Variants in NLRC4 observed in about 807,000 individuals in gnomAD.
NLRC4 encodes the protein NLR family CARD domain-containing protein 4.
A neutral mutation model predicts 79.9 loss-of-function variants in NLRC4; 63 were observed. That is an observed-to-expected ratio of 0.79 (90% CI 0.64 to 0.97). The LOEUF (loss-of-function observed/expected upper bound fraction) is 0.97. Ranked by LOEUF, NLRC4 falls within the 50% of genes least tolerant of loss-of-function variation. The pLI is 0.00. For synonymous variants in NLRC4, 461 were observed against 456.5 expected, an observed-to-expected ratio of 1.01 and a Z score of -0.12; for missense variants, 1,074 against 1,215.2, an observed-to-expected ratio of 0.88 and a Z score of 1.73.
chr2:32,238,660 A>T (rs1350765105), intron 5 of NLRC4, among the ~76,000 whole-genome samples: 1 of 90,512 alleles, frequency 1.1e-5, no homozygotes, highest in East Asian at 2.5e-4. Context: ...AAAATCTTAA[A>T]CAGCGGGGGG....
At chr2:32,244,890 G>A (rs1293612408) in intron 4 of NLRC4, among the ~76,000 whole-genome samples, 1 of 151,482 alleles carries the variant, frequency 6.6e-6, no homozygotes, top group Non-Finnish European at 1.5e-5. Context: ...GAGGAAGAAG[G>A]AGGAGGAGGA....
At position 32,250,663 on chromosome 2, in the gene NLRC4, C is replaced by T. The variant is rs750016275; in HGVS notation, c.1201G>A (p.Val401Met). The part of the protein sequence containing the change: ...DHCGDLALEG[V>M]FSHKFDFELQ... ...TCGAAATCAAACTTGTGGGAGAACA[C>T]ACCCTCCAGAGCTAGGTCTCCACAG... is the stretch of plus-strand genomic sequence containing the variant. The change falls in exon 4 of 9, where the codon GTG (valine) becomes ATG (methionine). Residue 401 changes from valine (V) to methionine (M), a missense_variant. Val to Met is a conservative substitution (Grantham distance 21). Coordinates refer to ENST00000402280, the MANE Select transcript of NLRC4 (RefSeq NM_001199138.2). This position sits in a 1 kb window ranked among gnomAD's most constrained non-coding sequence, Gnocchi z 4.9. 9 of 1,614,150 alleles carry T rather than the reference C, an allele frequency of 5.6e-6. No homozygotes were observed. Among genetic ancestry groups the T allele is most frequent in the Non-Finnish European group, 7.6e-6 (9 of 1,180,034 alleles).
At chr2:32,263,192 C>G (rs1425177197) in intron 1 of NLRC4, among the ~76,000 whole-genome samples, 15 of 152,072 alleles carry the variant, frequency 9.9e-5, no homozygotes, top group Non-Finnish European at 1.5e-5. Flanking sequence ...AGACAGGAAG[C>G]ACACAGAAAT....
chr2:32,261,208 A>G (rs1426713819), intron 1 of NLRC4, among the ~76,000 whole-genome samples: 2 of 149,184 alleles, frequency 1.3e-5, no homozygotes, highest in Admixed American at 1.3e-4. Flanking sequence ...AACAACAACA[A>G]CAACACCATG....
chr2:32,246,295 A>C (rs1360045774), intron 4 of NLRC4, among the ~76,000 whole-genome samples: 2 of 152,232 alleles, frequency 1.3e-5, no homozygotes, highest in East Asian at 3.8e-4. Context: ...ACTTTACAGG[A>C]TCAGTATAAA....
chr2:32,226,456 A>G (rs543269879), intron 8 of NLRC4, among the ~76,000 whole-genome samples: 1 of 152,338 alleles, frequency 6.6e-6, no homozygotes, highest in Admixed American at 6.5e-5. Context: ...CGTGGTCAAG[A>G]TGCTAGCGGC....
intron 8 of NLRC4, among the ~76,000 whole-genome samples, chr2:32,226,069 T>C (rs966526339): frequency 6.6e-6 from 1 of 152,158 alleles, no homozygotes; most frequent in Non-Finnish European, 1.5e-5. Flanking sequence ...AAAGATTCGG[T>C]GCTGTACAAC....
intron 5 of NLRC4, among the ~76,000 whole-genome samples, chr2:32,239,037 A>G (rs1471761865): frequency 4.6e-5 from 7 of 152,016 alleles, no homozygotes; most frequent in Non-Finnish European, 7.4e-5. Context: ...TCCCAGCACT[A>G]TGGGAGGCAG....
At position 32,251,163 on chromosome 2, in the gene NLRC4, G is replaced by A. The variant is rs773703186; in HGVS notation, c.701C>T (p.Ala234Val). 3.1e-6 allele frequency: 5 copies of A among 1,614,168 alleles called. No homozygotes were observed. The highest frequency in any genetic ancestry group is 1.7e-5 in the Admixed American group (1 of 60,026). ...CCTCTGCCGCAGCTTCAGCAGCATG[G>A]CCATGAATGTCTGCTTCCTGATTGT... is the stretch of plus-strand genomic sequence containing the variant. ...PGTIRKQTFMAMLLKLRQRVL... is the reference protein window; with the variant it reads ...PGTIRKQTFMVMLLKLRQRVL... The change falls in exon 4 of 9, where the codon GCC (alanine) becomes GTC (valine). Residue 234 changes from alanine to valine, a missense_variant. By Grantham distance (64) the Ala-to-Val change is moderately conservative (BLOSUM62 0). Transcript: ENST00000402280.
intron 4 of NLRC4, among the ~76,000 whole-genome samples, chr2:32,243,021 C>G (rs1558452628): frequency 6.6e-6 from 1 of 151,672 alleles, no homozygotes; most frequent in African/African-American, 2.4e-5. Flanking sequence ...GCACTCCAGC[C>G]TTGGTGACAG....
At chr2:32,238,036 T>A in intron 6 of NLRC4, 96 bp downstream of exon 6, 1 of 873,618 alleles carries the variant, frequency 1.1e-6, no homozygotes, top group African/African-American at 1.7e-5. Context: ...TTCCTTAAAA[T>A]TAAATTTCCA....
chr2:32,224,626 AG>A lies in NLRC4; in HGVS notation c.2921del (p.Thr974IlefsTer10). ...ATGCTGGATCAGGTAGAAATTCTTT[AG>A]TACTAAAGTCAAAAAACACTAATTG... ...LKQLVFFDFS[T>X]KEFLPDPALV... is the part of the protein sequence containing the mutation. On this transcript the variant is annotated frameshift_variant, in exon 9 of 9. Coordinates refer to ENST00000402280, the MANE Select transcript of NLRC4 (RefSeq NM_001199138.2). LOFTEE classifies it high-confidence loss of function. 1 of 1,613,866 alleles carries A rather than the reference AG, an allele frequency of 6.2e-7. No individual in the cohort carries two copies. Among genetic ancestry groups the A allele is most frequent in the Non-Finnish European group, 8.5e-7 (1 of 1,179,800 alleles).
At chr2:32,262,098 A>G (rs1049860703) in intron 1 of NLRC4, among the ~76,000 whole-genome samples, 10 of 152,138 alleles carry the variant, frequency 6.6e-5, no homozygotes, top group Non-Finnish European at 1.5e-4. Flanking sequence ...GAAAAAAAGA[A>G]AGAAAGAAAA....
At chr2:32,254,173 C>T (rs530514392) in intron 2 of NLRC4, among the ~76,000 whole-genome samples, 1 of 152,018 alleles carries the variant, frequency 6.6e-6, no homozygotes, top group East Asian at 1.9e-4. Context: ...ACAGTAACAA[C>T]CAGCTCCAGC....
intron 1 of NLRC4, among the ~76,000 whole-genome samples, chr2:32,262,760 A>G (rs1249614255): frequency 1.3e-5 from 2 of 151,442 alleles, no homozygotes; most frequent in African/African-American, 4.9e-5. Flanking sequence ...TGGGTGACAG[A>G]GAGAGACTCT....
chr2:32,230,224 C>T (rs548311517), intron 8 of NLRC4, among the ~76,000 whole-genome samples: 2 of 152,204 alleles, frequency 1.3e-5, no homozygotes, highest in South Asian at 2.1e-4. Context: ...AAATAGGAGA[C>T]GCTGAGTACT....
intron 1 of NLRC4, among the ~76,000 whole-genome samples, chr2:32,258,034 G>A (rs1259823663): frequency 6.6e-6 from 1 of 152,156 alleles, no homozygotes; most frequent in Non-Finnish European, 1.5e-5. Flanking sequence ...TGTACCGGAG[G>A]AATTGGATCA....
intron 1 of NLRC4, among the ~76,000 whole-genome samples, chr2:32,262,297 A>C (rs1258700035): frequency 1.3e-5 from 2 of 152,136 alleles, no homozygotes; most frequent in Non-Finnish European, 2.9e-5. Flanking sequence ...TTCCCCAAAA[A>C]GGGGTGGGTT....
chr2:32,261,029 A>G (rs1319466989), intron 1 of NLRC4, among the ~76,000 whole-genome samples: 1 of 151,776 alleles, frequency 6.6e-6, no homozygotes, highest in Non-Finnish European at 1.5e-5. Context: ...TGTCTCTACT[A>G]AAAAATTCAA....
Sources: allele counts gnomAD v4.1 joint callset (sites outside exome capture counted in the v4.1 genomes callset), GRCh38; gene constraint gnomAD v4.1.1; non-coding constraint Gnocchi (gnomAD v3.1); transcripts MANE v1.5; gene names NCBI Gene and HGNC (gene_info 2026-07-23, HGNC 2026-07-21).